Variants in COPG2 observed in about 807,000 individuals in gnomAD.
The protein encoded by COPG2 is coat protein complex I subunit gamma 2.
COPG2 carries 37 observed loss-of-function variants against 46.3 expected under a neutral mutation model. The observed-to-expected ratio is 0.80, with a 90% CI of 0.61 to 1.05. COPG2 has a LOEUF of 1.05. Among genes scored for constraint, COPG2 ranks in the 50% least tolerant of loss-of-function variants. The pLI is 0.00. For missense variants in COPG2, 427 were observed against 387.8 expected (o/e 1.10, Z -0.85); for synonymous variants, 159 against 129.7 (o/e 1.23, Z -1.53).
intron 20 of COPG2, chr7:130,546,978 A>G (rs940299850): frequency 6.6e-6 from 1 of 152,208 alleles, no homozygotes; most frequent in African/African-American, 2.4e-5. Context: ...AAGAGAAGAA[A>G]TCAAGGAGGA....
chr7:130,599,649 A>C (rs1319941155), intron 9 of COPG2, among the ~76,000 whole-genome samples: 1 of 152,194 alleles, frequency 6.6e-6, no homozygotes, highest in Non-Finnish European at 1.5e-5. Context: ...GAAGAAAAAA[A>C]AAAGAAGACA....
At chr7:130,608,718 T>TA (rs572332741) in intron 9 of COPG2, among the ~76,000 whole-genome samples, 4 of 152,110 alleles carry the variant, frequency 2.6e-5, no homozygotes, top group Admixed American at 6.5e-5. Context: ...GTCTTTTTTT[T>TA]AAAAAAAGGC....
intron 4 of COPG2, among the ~76,000 whole-genome samples, chr7:130,661,750 A>T (rs1795985239): frequency 6.6e-6 from 1 of 152,202 alleles, no homozygotes; most frequent in African/African-American, 2.4e-5. Flanking sequence ...TAAGTTGTAT[A>T]ATGGGTTAAT....
chr7:130,605,930 T>G, intron 9 of COPG2: 2 of 373,422 alleles, frequency 5.4e-6, no homozygotes, highest in South Asian at 4.2e-5. Flanking sequence ...GTAAGTGAAG[T>G]GTTACTGCGA....
rs191967762 is a variant in COPG2 at position 130,586,065 on chromosome 7, C to A, written c.738-21672G>T. Among the ~76,000 whole-genome samples, 57 of 152,108 alleles carry A rather than the reference C, an allele frequency of 3.7e-4. No individual in the cohort carries two copies. The East Asian group carries it at 7.7e-3, about 21-fold the overall frequency. Reference sequence around the variant, plus strand: ...GCAACTGCAAAATCATGGAACCAACCCAAATGCCCATCAATCAACAAGTGG... The same window carrying A: ...GCAACTGCAAAATCATGGAACCAACACAAATGCCCATCAATCAACAAGTGG... On this transcript the variant is annotated intron_variant, in intron 9 of 23. Transcript: ENST00000425248.
intron 12 of COPG2, among the ~76,000 whole-genome samples, chr7:130,560,293 T>A (rs1209634483): frequency 2.6e-5 from 4 of 152,108 alleles, no homozygotes; most frequent in Non-Finnish European, 5.9e-5. Flanking sequence ...ACAACAGATT[T>A]GCAAGACCTC....
intron 20 of COPG2, among the ~76,000 whole-genome samples, chr7:130,537,699 T>C (rs1799894714): frequency 1.3e-5 from 2 of 152,226 alleles, no homozygotes. Flanking sequence ...GATCAGGGAA[T>C]GTACTGCAGC....
At chr7:130,536,499 C>T (rs1799880919) in intron 20 of COPG2, among the ~76,000 whole-genome samples, 1 of 152,124 alleles carries the variant, frequency 6.6e-6, no homozygotes, top group East Asian at 1.9e-4. Context: ...CTAAAAGGAA[C>T]ACAGATAACA....
intron 20 of COPG2, among the ~76,000 whole-genome samples, chr7:130,533,141 C>G (rs1213403268): frequency 2.0e-5 from 3 of 151,948 alleles, no homozygotes; most frequent in Non-Finnish European, 4.4e-5. Flanking sequence ...GAGAGGTGAG[C>G]TTGTTGAGAG....
At chr7:130,630,437 C>T (rs931510830) in intron 5 of COPG2, among the ~76,000 whole-genome samples, 49 of 152,304 alleles carry the variant, frequency 3.2e-4, no homozygotes, top group African/African-American at 1.1e-3. Context: ...TTATTACTTC[C>T]TGTAGCTTTT....
intron 5 of COPG2, among the ~76,000 whole-genome samples, chr7:130,629,539 C>A (rs1795187778): frequency 6.6e-6 from 1 of 151,544 alleles, no homozygotes; most frequent in Non-Finnish European, 1.5e-5. Context: ...GGACTACAGG[C>A]ACATGCCACC....
chr7:130,563,305 T>C lies in COPG2; in HGVS notation c.903A>G (p.Pro301=), dbSNP rs1441450917. Reference sequence around the variant, plus strand: ...TCCTCACAGCTGCATATCTCAAGGCTGGCTTAGGAGAACTACAGAAAAGTT... The same window carrying C: ...TCCTCACAGCTGCATATCTCAAGGCCGGCTTAGGAGAACTACAGAAAAGTT... ...VLQLFCSSPK[P]ALRYAAVRTL... is the part of the protein sequence containing the mutation. Residue 301 remains proline (P), a synonymous_variant, in exon 11 of 24, where the codon CCA becomes CCG. Coordinates refer to ENST00000425248, the MANE Select transcript of COPG2 (RefSeq NM_012133.6). 3.3e-5 allele frequency: 13 copies of C among 398,062 alleles called. No homozygotes were observed. Among genetic ancestry groups the C allele is most frequent in the Non-Finnish European group, 4.4e-5 (10 of 225,920 alleles). The allele number at this position is 398,062 out of a possible 1,614,324, so 24.7% of individuals were successfully genotyped here.
rs555186079 is a variant in COPG2, at chr7:130,570,513, C to G, written c.738-6120G>C. Among the ~76,000 whole-genome samples the G allele has an allele frequency of 5.1e-4, 77 of 152,222 alleles. 1 individual carries two copies. The highest frequency in any genetic ancestry group is 1.7e-3 in the African/African-American group (72 of 41,558). On this transcript the variant is annotated intron_variant, in intron 9 of 23. Transcript: ENST00000425248. ...TAACCAAGGAGGTGAAAGATTTCTA[C>G]AAGGAAAACTGCAAAACACTGCTGA...
At chr7:130,621,144 C>T (rs571749494) in intron 5 of COPG2, among the ~76,000 whole-genome samples, 2 of 152,110 alleles carry the variant, frequency 1.3e-5, no homozygotes, top group Admixed American at 6.6e-5. Flanking sequence ...AGCTAGGATT[C>T]GAGGAATGCA....
intron 5 of COPG2, among the ~76,000 whole-genome samples, chr7:130,633,453 G>A (rs538133592): frequency 1.3e-5 from 2 of 152,262 alleles, no homozygotes; most frequent in South Asian, 4.1e-4. Context: ...GGCATGAGAT[G>A]GTATCTCATT....
At chr7:130,579,533 A>C (rs1554446816) in intron 9 of COPG2, among the ~76,000 whole-genome samples, 1 of 152,124 alleles carries the variant, frequency 6.6e-6, no homozygotes, top group Non-Finnish European at 1.5e-5. Flanking sequence ...TAAATGCTCC[A>C]ATTAAAAGAC....
chr7:130,644,935 G>A, intron 5 of COPG2, among the ~76,000 whole-genome samples: 1 of 151,916 alleles, frequency 6.6e-6, no homozygotes. Flanking sequence ...GGTGGCAGGT[G>A]CCTGTAATCC....
At chr7:130,628,215 T>A (rs1288110646) in intron 5 of COPG2, among the ~76,000 whole-genome samples, 1 of 152,178 alleles carries the variant, frequency 6.6e-6, no homozygotes, top group African/African-American at 2.4e-5. Context: ...TTGTTCCATC[T>A]GGTCTTTGTT....
chr7:130,610,999 T>G lies in COPG2; in HGVS notation c.691A>C (p.Met231Leu). Residue 231 changes from methionine to leucine, a missense_variant, in exon 9 of 24, where the codon ATG becomes CTG. Physicochemically the swap from Met to Leu is conservative, Grantham distance 15. Coordinates refer to ENST00000425248, the MANE Select transcript of COPG2 (RefSeq NM_012133.6). ...AAGCGACTGGCAATTCGGATCAGCA[T>G]GCAGTAAGCAAACTGTGACTTGAGA... is the stretch of plus-strand genomic sequence containing the variant. ...SGLKSQFAYCMLIRIASRLLK... is the reference protein window; with the variant it reads ...SGLKSQFAYCLLIRIASRLLK... The G allele has an allele frequency of 5.0e-6, 8 of 1,613,970 alleles. 1 individual carries two copies. The highest frequency in any genetic ancestry group is 6.8e-6 in the Non-Finnish European group (8 of 1,179,872).
Sources: allele counts gnomAD v4.1 joint callset (sites outside exome capture counted in the v4.1 genomes callset), GRCh38; gene constraint gnomAD v4.1.1; transcripts MANE v1.5; gene names NCBI Gene and HGNC (gene_info 2026-07-23, HGNC 2026-07-21).